TRDN: variants seen among roughly 807,000 people sequenced by gnomAD.
The protein encoded by TRDN is triadin in skeletal muscle.
A neutral mutation model predicts 149.7 loss-of-function variants in TRDN; 161 were observed. The observed-to-expected ratio is 1.08, with a 90% confidence interval of 0.95 to 1.23. TRDN has a LOEUF of 1.23. Among genes scored for constraint, TRDN ranks in the 50% most tolerant of loss-of-function variants. The probability of loss-of-function intolerance (pLI) is 0.00; values close to 1 mark genes in which losing one functional copy is unlikely to be tolerated. For synonymous variants in TRDN, 294 were observed against 250.5 expected, an observed-to-expected ratio of 1.17 and a Z score of -1.64; for missense variants, 896 against 823.5, an observed-to-expected ratio of 1.09 and a Z score of -1.08.
rs375934820 is a variant in TRDN at position 123,391,253 on chromosome 6, CTTTTCCCTTCAGCTAGTT to C, written c.1105+2353_1105+2370del. On this transcript the variant is annotated intron_variant, in intron 13 of 40. Transcript: ENST00000334268. ...ATTCATCCACTGAAGAATGAATCATCTTTTCCCTTCAGCTAGTTTTTTCCCTTCAGCTAGTTTCTTCCC... is the reference window on the plus strand; with the variant it reads ...ATTCATCCACTGAAGAATGAATCATCTTTTCCCTTCAGCTAGTTTCTTCCC... Among the ~76,000 whole-genome samples the C allele has an allele frequency of 3.1e-3, 467 of 152,132 alleles. 4 individuals carry two copies. Among genetic ancestry groups the C allele is most frequent in the African/African-American group, 0.01 (433 of 41,538 alleles).
At chr6:123,530,089 AT>A (rs777840168) in intron 5 of TRDN, among the ~76,000 whole-genome samples, 2 of 151,982 alleles carry the variant, frequency 1.3e-5, no homozygotes, top group Non-Finnish European at 2.9e-5. Context: ...ATGAGGTCAT[AT>A]AATGACTCTG....
intron 20 of TRDN, among the ~76,000 whole-genome samples, chr6:123,359,260 T>C (rs1780806424): frequency 6.6e-6 from 1 of 152,182 alleles, no homozygotes; most frequent in Non-Finnish European, 1.5e-5. Context: ...TAGTCGGAAT[T>C]ATGAACATAG....
rs371207036 is a variant in TRDN at position 123,503,851 on chromosome 6, C to A, written c.661G>T (p.Glu221Ter). ...AEKSEEKTKK[E>*]VKGGKQEKVK... The stretch of plus-strand genomic sequence containing the variant: ...TTCTCCTGTTTTCCACCTTTCACTT[C>A]CTTTTTAGTCTTTTCTTCACTCTTT... Residue 221 changes from glutamate to a stop codon, truncating the protein, a stop_gained, in exon 8 of 41, where the codon GAA (glutamate) becomes TAA (stop). Coordinates refer to ENST00000334268, the MANE Select transcript of TRDN (RefSeq NM_006073.4). LOFTEE classifies it high-confidence loss of function. 6.3e-7 allele frequency: 1 copy of A among 1,594,180 alleles called. No homozygotes were observed. The highest frequency in any genetic ancestry group is 1.1e-5 in the South Asian group (1 of 89,078).
intron 38 of TRDN, among the ~76,000 whole-genome samples, chr6:123,249,914 A>G (rs949583301): frequency 4.6e-5 from 7 of 152,162 alleles, no homozygotes; most frequent in African/African-American, 1.7e-4. Flanking sequence ...AAACTATCCC[A>G]CTTTGCTGAT....
chr6:123,275,037 C>CA (rs760795304), intron 26 of TRDN, among the ~76,000 whole-genome samples: 3 of 151,986 alleles, frequency 2.0e-5, no homozygotes, highest in Non-Finnish European at 2.9e-5. Flanking sequence ...GTTCCAAAGT[C>CA]AACATAAGAT....
At chr6:123,460,137 A>G (rs1010324486) in intron 10 of TRDN, among the ~76,000 whole-genome samples, 2 of 152,240 alleles carry the variant, frequency 1.3e-5, no homozygotes, top group Non-Finnish European at 2.9e-5. Flanking sequence ...CAATTGCTTA[A>G]GCAGTACCAC....
chr6:123,604,799 T>A (rs912085852), intron 1 of TRDN, among the ~76,000 whole-genome samples: 4 of 150,398 alleles, frequency 2.7e-5, no homozygotes, highest in African/African-American at 9.8e-5. Flanking sequence ...ATTTGATTAT[T>A]AGTGTTCTAT....
At chr6:123,603,712 T>C (rs372277212) in intron 1 of TRDN, among the ~76,000 whole-genome samples, 2 of 152,264 alleles carry the variant, frequency 1.3e-5, no homozygotes, top group East Asian at 3.9e-4. Flanking sequence ...ATTGTCCATG[T>C]TCCATAGATT....
At chr6:123,392,896 C>T (rs567982928) in intron 13 of TRDN, among the ~76,000 whole-genome samples, 1 of 152,160 alleles carries the variant, frequency 6.6e-6, no homozygotes, top group South Asian at 2.1e-4. Flanking sequence ...TGTACCACCA[C>T]CTATGTGCAT....
chr6:123,281,270 C>T (rs1240255671), intron 24 of TRDN, among the ~76,000 whole-genome samples: 4 of 151,910 alleles, frequency 2.6e-5, no homozygotes, highest in Non-Finnish European at 5.9e-5. Context: ...AGGCTGAGAA[C>T]CTTTTGTTAA....
At chr6:123,251,478 TATAAA>T (rs1177271524) in intron 38 of TRDN, among the ~76,000 whole-genome samples, 1 of 152,024 alleles carries the variant, frequency 6.6e-6, no homozygotes, top group Non-Finnish European at 1.5e-5. Flanking sequence ...ATAACATTTG[TATAAA>T]ATAAGTTACA....
At chr6:123,362,668 C>T (rs905297033) in intron 20 of TRDN, among the ~76,000 whole-genome samples, 2 of 152,110 alleles carry the variant, frequency 1.3e-5, no homozygotes, top group Non-Finnish European at 2.9e-5. Context: ...TTCAAACTTC[C>T]GTAGAACTTT....
At chr6:123,597,195 T>C (rs777253999) in intron 1 of TRDN, among the ~76,000 whole-genome samples, 1 of 152,004 alleles carries the variant, frequency 6.6e-6, no homozygotes. Context: ...CATGATCACT[T>C]TAAGGGGTTC....
chr6:123,278,747 C>T (rs1777467098), intron 25 of TRDN, among the ~76,000 whole-genome samples: 1 of 152,054 alleles, frequency 6.6e-6, no homozygotes, highest in Non-Finnish European at 1.5e-5. Context: ...ACTGCCTGGG[C>T]AACAGAGTGA....
chr6:123,293,390 A>C (rs1778079724), intron 24 of TRDN, among the ~76,000 whole-genome samples: 1 of 152,134 alleles, frequency 6.6e-6, no homozygotes, highest in Non-Finnish European at 1.5e-5. Context: ...TGTTGTGTTA[A>C]TGACACAACA....
In TRDN at chr6:123,218,667, A is replaced by G. The variant is rs1205858779; in HGVS notation, c.2124T>C (p.Pro708=). ...NGYGFQFPFT[P]ADRPGESSGQ... is the part of the protein sequence containing the mutation. ...CAGAGCTCTCTCCAGGGCGGTCTGC[A>G]GGAGTGAAAGGAAACTGAAATCCAT... is the stretch of plus-strand genomic sequence containing the variant. Residue 708 remains proline (P), a synonymous_variant, in exon 41 of 41, where the codon CCT becomes CCC. Coordinates refer to ENST00000334268, the MANE Select transcript of TRDN (RefSeq NM_006073.4). 2 of 1,608,486 alleles carry G rather than the reference A, an allele frequency of 1.2e-6. No homozygotes were observed. The highest frequency in any genetic ancestry group is 1.7e-6 in the Non-Finnish European group (2 of 1,176,786).
At chr6:123,279,028 T>C (rs1212723987) in intron 25 of TRDN, 28 bp downstream of exon 25, 2 of 1,598,646 alleles carry the variant, frequency 1.3e-6, no homozygotes, top group Non-Finnish European at 1.7e-6. Flanking sequence ...ATGTACGTGT[T>C]TGTTTATTGA....
intron 1 of TRDN, among the ~76,000 whole-genome samples, chr6:123,616,545 T>A (rs1004792118): frequency 2.0e-5 from 3 of 152,182 alleles, no homozygotes; most frequent in Admixed American, 6.5e-5. Flanking sequence ...TCATATGCAT[T>A]TATACTGTGT....
intron 8 of TRDN, among the ~76,000 whole-genome samples, chr6:123,499,719 A>AAAAAAAAAAAATATATATAT: frequency 2.1e-5 from 1 of 47,674 alleles, no homozygotes; most frequent in African/African-American, 7.2e-5. Flanking sequence ...AAAAAAAAAA[A>AAAAAAAAAAAATATATATAT]ATATATATAT....
Sources: allele counts gnomAD v4.1 joint callset (sites outside exome capture counted in the v4.1 genomes callset), GRCh38; gene constraint gnomAD v4.1.1; transcripts MANE v1.5; gene names NCBI Gene and HGNC (gene_info 2026-07-23, HGNC 2026-07-21).